Variants in PLCL2 observed in about 807,000 individuals in gnomAD.
The protein encoded by PLCL2 is phospholipase C like 2.
In PLCL2, 4 loss-of-function variants were observed where a neutral mutation model predicts 79.6. The observed-to-expected ratio is 0.05, with a 90% CI of 0.02 to 0.11. The LOEUF (loss-of-function observed/expected upper bound fraction) is 0.11, where lower values mean the gene tolerates loss of function less well. Among genes scored for constraint, PLCL2 ranks in the 10% least tolerant of loss-of-function variants. The pLI is 1.00. For synonymous variants in PLCL2, 484 were observed against 457.7 expected (o/e 1.06, Z -0.73); for missense variants, 895 against 1,291.0 (o/e 0.69, Z 4.70).
intron 1 of PLCL2, among the ~76,000 whole-genome samples, chr3:16,930,269 C>T (rs1305986474): frequency 6.6e-6 from 1 of 152,076 alleles, no homozygotes; most frequent in Admixed American, 6.6e-5. Context: ...TAAAGACAGG[C>T]GAGATTTCAC....
Position 17,009,630 on chromosome 3 carries a change from C to A in PLCL2, c.328-44C>A. 4 of 993,258 alleles carry A rather than the reference C, an allele frequency of 4.0e-6. No individual in the cohort carries two copies. Among genetic ancestry groups the A allele is most frequent in the East Asian group, 2.6e-5 (1 of 38,576 alleles). The allele number at this position is 993,258 out of a possible 1,614,324, so 61.5% of individuals were successfully genotyped here. A position where few individuals can be genotyped will look rare whatever the true frequency, so the allele number is the denominator to read the frequency against. Reference sequence around the variant, plus strand: ...TATTCATAATCTTGAACATAGAAACCTATATTTATGTTATTCTAATATACG... The same window carrying A: ...TATTCATAATCTTGAACATAGAAACATATATTTATGTTATTCTAATATACG... On this transcript the variant is annotated intron_variant, in intron 1 of 5. Transcript: ENST00000615277. The surrounding 1 kb of genome is among the most constrained non-coding windows in gnomAD (Gnocchi z 4.0).
Position 17,002,919 on chromosome 3 carries a change from GT to G in PLCL2, c.328-6745del, listed in dbSNP as rs997733794. On this transcript the variant is annotated intron_variant, in intron 1 of 5. Transcript: ENST00000615277. ...AAGGAATTCATCATCTCTGATGTGG[GT>G]TTTTTTTTTAACAGTATTTCCTTTG... Among the ~76,000 whole-genome samples, 95 of 149,562 alleles carry G rather than the reference GT, an allele frequency of 6.4e-4. 1 individual carries two copies. The highest frequency in any genetic ancestry group is 1.8e-3 in the African/African-American group (75 of 40,840).
At chr3:17,023,073 A>G (rs1417487644) in intron 3 of PLCL2, among the ~76,000 whole-genome samples, 1 of 152,126 alleles carries the variant, frequency 6.6e-6, no homozygotes, top group African/African-American at 2.4e-5. Flanking sequence ...ATGTCTAAAC[A>G]TCTAAAGCCA....
At chr3:17,008,524 C>T (rs2064285563) in intron 1 of PLCL2, among the ~76,000 whole-genome samples, 1 of 152,018 alleles carries the variant, frequency 6.6e-6, no homozygotes, top group Non-Finnish European at 1.5e-5. Context: ...AATTCCTGGG[C>T]ACCAGCCCCA....
chr3:16,928,338 A>G (rs1425597740), intron 1 of PLCL2, among the ~76,000 whole-genome samples: 1 of 152,210 alleles, frequency 6.6e-6, no homozygotes, highest in Non-Finnish European at 1.5e-5. Context: ...GAGGTAGACC[A>G]GTTTGGGAGA....
At chr3:17,075,015 C>T (rs2065096123) in intron 5 of PLCL2, among the ~76,000 whole-genome samples, 1 of 152,222 alleles carries the variant, frequency 6.6e-6, no homozygotes, top group Non-Finnish European at 1.5e-5. Flanking sequence ...CCTTCACAAA[C>T]TTTTCCTTTG....
intron 5 of PLCL2, among the ~76,000 whole-genome samples, chr3:17,084,678 C>T (rs1575623546): frequency 1.3e-5 from 2 of 152,136 alleles, no homozygotes; most frequent in Admixed American, 1.3e-4. Context: ...GAAGACAAAG[C>T]TCGTGGTTGT....
intron 3 of PLCL2, among the ~76,000 whole-genome samples, chr3:17,024,672 T>C (rs2064495322): frequency 6.6e-6 from 1 of 152,138 alleles, no homozygotes; most frequent in African/African-American, 2.4e-5. Flanking sequence ...TTTATGCAGT[T>C]TGTGAGTTCC....
intron 4 of PLCL2, among the ~76,000 whole-genome samples, chr3:17,058,555 T>C (rs766658222): frequency 2.0e-5 from 3 of 152,050 alleles, no homozygotes; most frequent in African/African-American, 7.2e-5. Context: ...GGGTTTGTTT[T>C]TGGACAAGTT....
intron 1 of PLCL2, among the ~76,000 whole-genome samples, chr3:16,937,115 T>C (rs2124947275): frequency 6.6e-6 from 1 of 152,218 alleles, no homozygotes; most frequent in Admixed American, 6.5e-5. Flanking sequence ...AAATGTCCCC[T>C]CAGGAGCAGA....
At chr3:16,950,724 G>A (rs1338545728) in intron 1 of PLCL2, among the ~76,000 whole-genome samples, 2 of 151,884 alleles carry the variant, frequency 1.3e-5, no homozygotes, top group African/African-American at 4.8e-5. Flanking sequence ...CTAGCATGTT[G>A]GAGTCTTACC....
chr3:17,024,796 A>G (rs1375661696), intron 3 of PLCL2, among the ~76,000 whole-genome samples: 1 of 152,150 alleles, frequency 6.6e-6, no homozygotes, highest in African/African-American at 2.4e-5. Context: ...CCTGCTCCCT[A>G]TTACTTGGGA....
chr3:16,973,526 C>T (rs1324892057), intron 1 of PLCL2, among the ~76,000 whole-genome samples: 2 of 151,988 alleles, frequency 1.3e-5, no homozygotes, highest in African/African-American at 4.8e-5. Flanking sequence ...CTCTGTATTC[C>T]TTAAATACTT....
chr3:17,001,038 C>G (rs1439852463), intron 1 of PLCL2, among the ~76,000 whole-genome samples: 1 of 150,928 alleles, frequency 6.6e-6, no homozygotes, highest in African/African-American at 2.4e-5. Context: ...TACATTTCCA[C>G]TAACAGTATA....
chr3:16,952,360 CAAAAAAAA>C (rs35421244), intron 1 of PLCL2, among the ~76,000 whole-genome samples: 5 of 22,614 alleles, frequency 2.2e-4, no homozygotes, highest in South Asian at 3.4e-3. Flanking sequence ...GAACTTAAAG[CAAAAAAAA>C]AAAAAAAAAA....
intron 4 of PLCL2, among the ~76,000 whole-genome samples, chr3:17,047,171 A>C (rs559349314): frequency 1.2e-4 from 18 of 152,326 alleles, no homozygotes; most frequent in African/African-American, 4.3e-4. Flanking sequence ...ATAAAAACTA[A>C]ATTCGAAGAA....
At position 17,049,053 on chromosome 3, in the gene PLCL2, T is replaced by C. The variant is rs879285790; in HGVS notation, c.3094+6104T>C. Among the ~76,000 whole-genome samples, 92 of 152,246 alleles carry C rather than the reference T, an allele frequency of 6.0e-4. No individual in the cohort carries two copies. The South Asian group carries it at 7.7e-3, about 13-fold the overall frequency. On this transcript the variant is annotated intron_variant, in intron 4 of 5. Transcript: ENST00000615277. The stretch of plus-strand genomic sequence containing the variant: ...GAAAAGAAAATTCATGAAGCTATTT[T>C]TGCAGCCATACCAGCAGGTACGAAA...
At chr3:16,903,970 G>T (rs1174910535) in intron 1 of PLCL2, among the ~76,000 whole-genome samples, 1 of 152,188 alleles carries the variant, frequency 6.6e-6, no homozygotes, top group Non-Finnish European at 1.5e-5. Context: ...TGTGCATGTG[G>T]AGACTATCAA....
At chr3:17,059,092 G>C (rs943957551) in intron 4 of PLCL2, among the ~76,000 whole-genome samples, 1 of 152,068 alleles carries the variant, frequency 6.6e-6, no homozygotes, top group Non-Finnish European at 1.5e-5. Flanking sequence ...CAAATACTTA[G>C]GGAAAGTCAT....
Sources: allele counts gnomAD v4.1 joint callset (sites outside exome capture counted in the v4.1 genomes callset), GRCh38; gene constraint gnomAD v4.1.1; non-coding constraint Gnocchi (gnomAD v3.1); transcripts MANE v1.5; gene names NCBI Gene and HGNC (gene_info 2026-07-23, HGNC 2026-07-21).